RBFOX1: variants seen among roughly 807,000 people sequenced by gnomAD.
The protein encoded by RBFOX1 is RNA binding protein fox-1 homolog 1.
Under a neutral mutation model 57.7 loss-of-function variants are expected in RBFOX1, and 8 were observed. The ratio of observed to expected loss-of-function variants is 0.14; its 90% CI spans 0.08 to 0.25. The LOEUF (loss-of-function observed/expected upper bound fraction) is 0.25, where lower values mean the gene tolerates loss of function less well. RBFOX1 is among the 10% of genes least tolerant of loss of function. The pLI is 1.00. For synonymous variants in RBFOX1, 326 were observed against 222.4 expected (o/e 1.47, Z -4.15); for missense variants, 611 against 548.5 (o/e 1.11, Z -1.14).
intron 3 of RBFOX1, among the ~76,000 whole-genome samples, chr16:6,856,119 T>G (rs78164371): frequency 4.1e-4 from 62 of 151,872 alleles, no homozygotes; most frequent in African/African-American, 1.4e-3. Context: ...TTCTTCCCTT[T>G]CCTTCCCTTC....
intron 3 of RBFOX1, among the ~76,000 whole-genome samples, chr16:5,861,666 C>T (rs1008220888): frequency 6.6e-6 from 1 of 152,144 alleles, no homozygotes; most frequent in Non-Finnish European, 1.5e-5. Context: ...CACCCATGCC[C>T]CATGACGGTG....
intron 9 of RBFOX1, among the ~76,000 whole-genome samples, chr16:7,605,150 A>G (rs1389885689): frequency 6.6e-6 from 1 of 152,182 alleles, no homozygotes; most frequent in African/African-American, 2.4e-5. Flanking sequence ...CCATATCCTC[A>G]GGAATTAGAC....
At chr16:6,210,349 A>C (rs199620234) in intron 1 of RBFOX1, among the ~76,000 whole-genome samples, 10,627 of 77,888 alleles carry the variant, frequency 0.14, 1,006 homozygotes, top group South Asian at 0.32. Flanking sequence ...AAAAAACAAA[A>C]AAAAAAAACA....
At chr16:6,616,515 A>C (rs1366986880) in intron 2 of RBFOX1, among the ~76,000 whole-genome samples, 1 of 152,142 alleles carries the variant, frequency 6.6e-6, no homozygotes, top group Non-Finnish European at 1.5e-5. Flanking sequence ...ACTCTACTAA[A>C]AATACAAAAA....
intron 3 of RBFOX1, among the ~76,000 whole-genome samples, chr16:6,797,112 G>T (rs933603471): frequency 2.6e-5 from 4 of 152,156 alleles, no homozygotes; most frequent in African/African-American, 9.7e-5. Context: ...ACAGGTAGAA[G>T]GCTCTGCTGT....
chr16:7,368,004 T>C (rs183664074), intron 4 of RBFOX1, among the ~76,000 whole-genome samples: 137 of 152,240 alleles, frequency 9.0e-4, no homozygotes, highest in African/African-American at 3.2e-3. Flanking sequence ...TGGTGTCTTA[T>C]GCCTGTAATC....
intron 1 of RBFOX1, among the ~76,000 whole-genome samples, chr16:6,200,048 A>T (rs539138516): frequency 1.3e-5 from 2 of 152,140 alleles, no homozygotes; most frequent in Non-Finnish European, 1.5e-5. Flanking sequence ...CATTTGGAAG[A>T]TACAAATGGA....
intron 3 of RBFOX1, among the ~76,000 whole-genome samples, chr16:5,829,860 A>T (rs1244873559): frequency 6.6e-6 from 1 of 152,216 alleles, no homozygotes; most frequent in Non-Finnish European, 1.5e-5. Flanking sequence ...CAGAAGGGAA[A>T]CAAAAACAGG....
intron 11 of RBFOX1, among the ~76,000 whole-genome samples, chr16:7,647,557 A>G (rs919565772): frequency 6.6e-6 from 1 of 152,266 alleles, no homozygotes; most frequent in South Asian, 2.1e-4. Flanking sequence ...AAAAAAAAAA[A>G]AAAAGCAAAC....
chr16:5,790,094 G>A (rs966743419), intron 3 of RBFOX1, among the ~76,000 whole-genome samples: 4 of 152,218 alleles, frequency 2.6e-5, no homozygotes, highest in Non-Finnish European at 5.9e-5. Flanking sequence ...CCACTCAGCA[G>A]GCCTTCCTCC....
At chr16:7,303,800 C>G (rs1303408351) in intron 4 of RBFOX1, among the ~76,000 whole-genome samples, 1 of 151,180 alleles carries the variant, frequency 6.6e-6, no homozygotes, top group African/African-American at 2.4e-5. Flanking sequence ...CCCTCCCTCT[C>G]TCTTCCTCTC....
intron 4 of RBFOX1, among the ~76,000 whole-genome samples, chr16:7,373,567 C>A (rs556991430): frequency 7.2e-5 from 11 of 152,192 alleles, no homozygotes; most frequent in Middle Eastern, 3.4e-3. Flanking sequence ...CCCGGGCAAG[C>A]CTTTATCTTT....
chr16:5,715,461 C>T (rs1179423811), intron 3 of RBFOX1, among the ~76,000 whole-genome samples: 1 of 152,238 alleles, frequency 6.6e-6, no homozygotes. Flanking sequence ...GAAATATCTT[C>T]TTCAAGGAGA....
At chr16:6,863,365 A>T (rs1024290325) in intron 3 of RBFOX1, among the ~76,000 whole-genome samples, 3 of 152,104 alleles carry the variant, frequency 2.0e-5, no homozygotes, top group African/African-American at 7.2e-5. Flanking sequence ...GTGACTCACT[A>T]ATCTTCAAGA....
chr16:5,781,418 TAGTA>T (rs1435209716), intron 3 of RBFOX1, among the ~76,000 whole-genome samples: 3 of 152,212 alleles, frequency 2.0e-5, no homozygotes, highest in African/African-American at 7.2e-5. Flanking sequence ...CTTTACAATG[TAGTA>T]AGTAACTATG....
At chr16:7,556,407 C>A (rs141779747) in intron 5 of RBFOX1, among the ~76,000 whole-genome samples, 57 of 152,206 alleles carry the variant, frequency 3.7e-4, no homozygotes, top group African/African-American at 1.3e-3. Flanking sequence ...AACTCAGATC[C>A]CTTTCTTAGA....
intron 2 of RBFOX1, among the ~76,000 whole-genome samples, chr16:6,559,038 C>T (rs2153901618): frequency 6.6e-6 from 1 of 152,194 alleles, no homozygotes; most frequent in South Asian, 2.1e-4. Context: ...CTCCAACTCC[C>T]TAGGATAGAT....
intron 2 of RBFOX1, among the ~76,000 whole-genome samples, chr16:6,428,241 A>G (rs1266067025): frequency 1.3e-5 from 2 of 149,328 alleles, no homozygotes; most frequent in African/African-American, 4.9e-5. Context: ...AGCTGAGATT[A>G]TACCACTGCA....
chr16:6,155,468 T>C (rs965232011), intron 1 of RBFOX1, among the ~76,000 whole-genome samples: 2 of 152,154 alleles, frequency 1.3e-5, no homozygotes, highest in Admixed American at 1.3e-4. Context: ...AGGTAGATTT[T>C]CCCCCCGTTC....
Sources: allele counts gnomAD v4.1 joint callset (sites outside exome capture counted in the v4.1 genomes callset), GRCh38; gene constraint gnomAD v4.1.1; transcripts MANE v1.5; gene names NCBI Gene and HGNC (gene_info 2026-07-23, HGNC 2026-07-21).